The following PARL variants were observed in gnomAD, a reference collection of about 807,000 sequenced individuals.
The protein encoded by PARL is presenilin-associated rhomboid-like protein, mitochondrial.
In PARL, 44 loss-of-function variants were observed where a neutral mutation model predicts 51.6. The ratio of observed to expected loss-of-function variants is 0.85; its 90% CI spans 0.67 to 1.10. PARL has a LOEUF of 1.10. Ranked by LOEUF, PARL falls within the 50% of genes least tolerant of loss-of-function variation. The pLI is 0.00. For missense variants in PARL, 441 were observed against 469.5 expected (o/e 0.94, Z 0.56); for synonymous variants, 172 against 164.0 (o/e 1.05, Z -0.37).
intron 4 of PARL, among the ~76,000 whole-genome samples, chr3:183,860,565 G>C (rs1394684459): frequency 6.6e-6 from 1 of 152,128 alleles, no homozygotes; most frequent in African/African-American, 2.4e-5. Context: ...CCAAATGGCT[G>C]ATTTGATTTC....
chr3:183,836,541 T>G (rs1238389857), intron 7 of PARL, among the ~76,000 whole-genome samples: 1 of 152,190 alleles, frequency 6.6e-6, no homozygotes, highest in African/African-American at 2.4e-5. Context: ...AAGAAGAATT[T>G]AATGAAAATG....
At chr3:183,879,698 T>C in intron 1 of PARL, 1 of 970,160 alleles carries the variant, frequency 1.0e-6, no homozygotes, top group Non-Finnish European at 1.2e-6. Context: ...CTCTTTTTAA[T>C]GAGCTTTCAT....
At chr3:183,828,997 CT>C (rs1013529779), downstream of PARL, among the ~76,000 whole-genome samples, 10 of 152,182 alleles carry the variant, frequency 6.6e-5, no homozygotes, top group Non-Finnish European at 2.9e-5. Flanking sequence ...AGATTCAAGT[CT>C]GAATTTACCC....
At chr3:183,860,094 CAAAG>C (rs910973695) in intron 4 of PARL, among the ~76,000 whole-genome samples, 3 of 151,258 alleles carry the variant, frequency 2.0e-5, no homozygotes, top group Admixed American at 6.6e-5. Context: ...ATCTCCAATC[CAAAG>C]AAAGAAAGTG....
intron 4 of PARL, among the ~76,000 whole-genome samples, chr3:183,858,456 A>C (rs1731410231): frequency 6.6e-6 from 1 of 152,214 alleles, no homozygotes; most frequent in Non-Finnish European, 1.5e-5. Flanking sequence ...CAAAAAATAC[A>C]CTAGTAGAGG....
chr3:183,865,182 C>T (rs1274830973), intron 3 of PARL, among the ~76,000 whole-genome samples: 1 of 152,078 alleles, frequency 6.6e-6, no homozygotes, highest in Non-Finnish European at 1.5e-5. Context: ...GTGGCACACG[C>T]CTGTAGTCCC....
chr3:183,871,002 C>T (rs1733125673), intron 1 of PARL, among the ~76,000 whole-genome samples: 4 of 152,086 alleles, frequency 2.6e-5, no homozygotes, highest in Admixed American at 2.6e-4. Flanking sequence ...TTTTTTAATA[C>T]TTATCTCCAC....
At chr3:183,846,595 C>A in intron 4 of PARL, 1 of 985,316 alleles carries the variant, frequency 1.0e-6, no homozygotes, top group Non-Finnish European at 1.2e-6. Flanking sequence ...AGAAGCTTTT[C>A]TGATAAATAA....
intron 1 of PARL, chr3:183,883,764 A>G (rs1734816101): frequency 1.1e-6 from 1 of 896,716 alleles, no homozygotes; most frequent in South Asian, 5.1e-5. Context: ...CTTGTCGGAC[A>G]TATAGGTTCT....
chr3:183,837,766 A>G (rs1728806247), intron 7 of PARL, among the ~76,000 whole-genome samples: 1 of 152,210 alleles, frequency 6.6e-6, no homozygotes, highest in South Asian at 2.1e-4. Context: ...TCAGGCTTCA[A>G]CTGAAAAATC....
chr3:183,840,752 C>T (rs1269027425), intron 6 of PARL, 112 bp from the exon 7 acceptor site: 2 of 622,896 alleles, frequency 3.2e-6, no homozygotes, highest in East Asian at 2.9e-5. Flanking sequence ...TTCGCCCCGG[C>T]TGCTGAAGTG....
At chr3:183,828,974 T>C (rs1727617348), downstream of PARL, among the ~76,000 whole-genome samples, 1 of 152,224 alleles carries the variant, frequency 6.6e-6, no homozygotes, top group Admixed American at 6.5e-5. Context: ...AAACAGAAGA[T>C]AAAATTCGGC....
At chr3:183,842,103 G>T (rs763673274) in intron 6 of PARL, among the ~76,000 whole-genome samples, 195 bp downstream of exon 6, 41 of 152,128 alleles carry the variant, frequency 2.7e-4, no homozygotes, top group Non-Finnish European at 4.7e-4. Context: ...TATGTAAGAA[G>T]AAATCAGCAA....
intron 4 of PARL, among the ~76,000 whole-genome samples, chr3:183,858,943 G>T (rs1412456752): frequency 6.6e-6 from 1 of 151,942 alleles, no homozygotes; most frequent in Non-Finnish European, 1.5e-5. Flanking sequence ...AAAAAAAAAG[G>T]ATTAAAACAA....
chr3:183,842,381 T>G lies in PARL; in HGVS notation c.674A>C (p.Asn225Thr), dbSNP rs1182996789. 1 of 1,613,556 alleles carries G rather than the reference T, an allele frequency of 6.2e-7. No individual in the cohort carries two copies. Among genetic ancestry groups the G allele is most frequent in the Non-Finnish European group, 8.5e-7 (1 of 1,179,670 alleles). The stretch of plus-strand genomic sequence containing the variant: ...AGAGAAGCTCCACAAAACATACATA[T>G]TTGCTGCCATGTGAAATAAGGAGAA... ...SHFSLFHMAA[N>T]MYVLWSFSSS... Residue 225 changes from asparagine (N) to threonine (T), a missense_variant, in exon 6 of 10, where the codon AAT becomes ACT. Transcript: ENST00000317096.
At chr3:183,826,611 T>C (rs774634891), downstream of PARL, 3 of 985,298 alleles carry the variant, frequency 3.0e-6, no homozygotes, top group African/African-American at 3.5e-5. Context: ...ACATTGCCTG[T>C]CTTAGCTTGA....
intron 5 of PARL, chr3:183,843,188 A>C (rs1228327012): frequency 1.0e-6 from 1 of 984,278 alleles, no homozygotes; most frequent in Non-Finnish European, 1.2e-6. Context: ...CCAGCTTAAG[A>C]CATCATTTTT....
downstream of PARL, chr3:183,826,584 CAG>C (rs1727427740): frequency 1.0e-6 from 1 of 985,228 alleles, no homozygotes; most frequent in South Asian, 4.7e-5. Context: ...AGTCAGAAAA[CAG>C]ATTCATCTCC....
chr3:183,853,507 G>A (rs1029576403), intron 4 of PARL, among the ~76,000 whole-genome samples: 1 of 152,036 alleles, frequency 6.6e-6, no homozygotes, highest in Non-Finnish European at 1.5e-5. Flanking sequence ...AGCCGAGATC[G>A]CTCCACTGCA....
Sources: gnomAD v4.1 joint callset for allele counts (sites outside exome capture counted in the v4.1 genomes callset) on GRCh38, gnomAD v4.1.1 for gene constraint, MANE v1.5 for transcripts, NCBI Gene and HGNC (gene_info 2026-07-23, HGNC 2026-07-21) for gene names.